Variants in UGT1A8 observed in about 807,000 individuals in gnomAD.
The protein encoded by UGT1A8 is UDP glucuronosyltransferase family 1 member A8.
In UGT1A8, 39 loss-of-function variants were observed where a neutral mutation model predicts 45.3. The observed-to-expected ratio is 0.86, with a 90% CI of 0.67 to 1.12. The LOEUF (loss-of-function observed/expected upper bound fraction) is 1.12, where lower values mean the gene tolerates loss of function less well. UGT1A8 is among the 50% of genes most tolerant of loss of function. The probability of loss-of-function intolerance (pLI) is 0.00; values close to 1 mark genes in which losing one functional copy is unlikely to be tolerated. For missense variants in UGT1A8, 719 were observed against 664.9 expected, an observed-to-expected ratio of 1.08 and a Z score of -0.90; for synonymous variants, 275 against 249.2, an observed-to-expected ratio of 1.10 and a Z score of -0.97.
At chr2:233,766,541 T>C (rs1699176762) in intron 1 of UGT1A8, among the ~76,000 whole-genome samples, 1 of 152,156 alleles carries the variant, frequency 6.6e-6, no homozygotes, top group Non-Finnish European at 1.5e-5. Context: ...AAAACAAAAA[T>C]GCCTGTCCTC....
intron 1 of UGT1A8, chr2:233,691,797 T>C (rs965810933): frequency 4.5e-6 from 1 of 224,276 alleles, no homozygotes; most frequent in Admixed American, 6.5e-5. Context: ...AGACTTATAC[T>C]TCTCAAATCT....
chr2:233,717,168 T>C (rs1307662395), intron 1 of UGT1A8, among the ~76,000 whole-genome samples: 1 of 152,206 alleles, frequency 6.6e-6, no homozygotes, highest in Non-Finnish European at 1.5e-5. Context: ...GCCCCTTGAA[T>C]GTGGCAAGAG....
At chr2:233,678,329 G>A (rs1195831675) in intron 1 of UGT1A8, among the ~76,000 whole-genome samples, 3 of 152,086 alleles carry the variant, frequency 2.0e-5, no homozygotes, top group Non-Finnish European at 2.9e-5. Flanking sequence ...ATGTATAAGA[G>A]GAAGTCATTC....
At chr2:233,745,938 G>A (rs1693254361) in intron 1 of UGT1A8, among the ~76,000 whole-genome samples, 1 of 151,696 alleles carries the variant, frequency 6.6e-6, no homozygotes, top group East Asian at 1.9e-4. Flanking sequence ...GGGACAGCTG[G>A]GGGTTGGGCA....
At chr2:233,664,794 C>G (rs1330704608) in intron 1 of UGT1A8, among the ~76,000 whole-genome samples, 1 of 152,180 alleles carries the variant, frequency 6.6e-6, no homozygotes, top group Non-Finnish European at 1.5e-5. Context: ...AATATCCAAG[C>G]TATAACACTG....
chr2:233,672,666 C>A (rs2074235897), intron 1 of UGT1A8: 1 of 1,613,828 alleles, frequency 6.2e-7, no homozygotes, highest in Admixed American at 1.7e-5. Context: ...AGTATGATCT[C>A]TACAGCCACA....
intron 1 of UGT1A8, chr2:233,636,479 A>T: frequency 6.3e-7 from 1 of 1,585,396 alleles, no homozygotes. Flanking sequence ...ACTGTATCAT[A>T]GCAGCTTAGA....
At chr2:233,708,998 T>C (rs1323925794) in intron 1 of UGT1A8, among the ~76,000 whole-genome samples, 1 of 152,178 alleles carries the variant, frequency 6.6e-6, no homozygotes, top group Non-Finnish European at 1.5e-5. Context: ...GGCATCCTTC[T>C]CAGTGTCATA....
intron 1 of UGT1A8, among the ~76,000 whole-genome samples, chr2:233,630,480 G>A (rs2073167752): frequency 6.6e-6 from 1 of 152,142 alleles, no homozygotes; most frequent in African/African-American, 2.4e-5. Flanking sequence ...GATTTTCTTT[G>A]TGCAGGGCTG....
intron 1 of UGT1A8, chr2:233,682,658 G>T (rs2074589486): frequency 9.9e-6 from 16 of 1,613,826 alleles, no homozygotes; most frequent in Non-Finnish European, 1.3e-5. Context: ...CCCTGTCACG[G>T]CATATGATCT....
intron 1 of UGT1A8, among the ~76,000 whole-genome samples, chr2:233,702,320 A>G (rs2075680943): frequency 6.6e-6 from 1 of 152,048 alleles, no homozygotes; most frequent in Admixed American, 6.6e-5. Flanking sequence ...GTACTTCAAC[A>G]TTTCTGAACT....
At chr2:233,696,082 G>A (rs1487950233) in intron 1 of UGT1A8, among the ~76,000 whole-genome samples, 3 of 152,080 alleles carry the variant, frequency 2.0e-5, no homozygotes, top group Admixed American at 2.0e-4. Flanking sequence ...AGAACAGTAT[G>A]GAGAGTCTTC....
intron 1 of UGT1A8, among the ~76,000 whole-genome samples, chr2:233,697,354 T>C (rs1438878315): frequency 6.6e-6 from 1 of 152,156 alleles, no homozygotes; most frequent in Non-Finnish European, 1.5e-5. Flanking sequence ...GGTTTTCTAA[T>C]TTGTTGGCAT....
At chr2:233,664,829 G>C (rs2074040589) in intron 1 of UGT1A8, among the ~76,000 whole-genome samples, 1 of 152,114 alleles carries the variant, frequency 6.6e-6, no homozygotes, top group African/African-American at 2.4e-5. Context: ...ATTTTCATTT[G>C]TCTCATTTGG....
At chr2:233,717,827 C>T (rs2125656433) in intron 1 of UGT1A8, 1 of 455,482 alleles carries the variant, frequency 2.2e-6, no homozygotes, top group South Asian at 1.6e-5. Context: ...CCGTTCTGTT[C>T]TGGAGGAACC....
intron 1 of UGT1A8, chr2:233,754,408 C>A (rs1318751129): frequency 2.9e-6 from 1 of 340,794 alleles, no homozygotes; most frequent in South Asian, 2.4e-5. Flanking sequence ...GCAGTCCCAA[C>A]AATAAAGACA....
At chr2:233,729,079 C>T (rs372945950) in intron 1 of UGT1A8, 2 of 1,611,886 alleles carry the variant, frequency 1.2e-6, no homozygotes, top group African/African-American at 2.7e-5. Flanking sequence ...GCAAATGTAG[C>T]AGGCACAGCG....
chr2:233,654,218 A>G (rs965363856), intron 1 of UGT1A8, among the ~76,000 whole-genome samples: 1 of 152,234 alleles, frequency 6.6e-6, no homozygotes. Context: ...AAAAACCTCC[A>G]AATTAACCTA....
intron 1 of UGT1A8, chr2:233,713,349 A>G (rs774630378): frequency 5.5e-5 from 88 of 1,614,072 alleles, no homozygotes; most frequent in East Asian, 4.5e-5. Context: ...TATGAACAAT[A>G]TGTCTTTGAT....
Sources: gnomAD v4.1 joint callset for allele counts (sites outside exome capture counted in the v4.1 genomes callset) on GRCh38, gnomAD v4.1.1 for gene constraint, MANE v1.5 for transcripts, NCBI Gene and HGNC (gene_info 2026-07-23, HGNC 2026-07-21) for gene names.